Variants in SBF2 observed in about 807,000 individuals in gnomAD.
SBF2 encodes myotubularin-related protein 13.
Under a neutral mutation model 225.2 loss-of-function variants are expected in SBF2, and 112 were observed. The observed-to-expected ratio is 0.50, with a 90% confidence interval of 0.43 to 0.58. SBF2 has a LOEUF of 0.58. SBF2 is among the 20% of genes least tolerant of loss of function. The pLI is 0.00. For missense variants in SBF2, 1,996 were observed against 2,206.2 expected (o/e 0.90, Z 1.91); for synonymous variants, 763 against 773.3 (o/e 0.99, Z 0.22).
intron 1 of SBF2, among the ~76,000 whole-genome samples, chr11:10,267,482 T>C (rs1489195018): frequency 1.3e-5 from 2 of 152,094 alleles, no homozygotes; most frequent in Non-Finnish European, 2.9e-5. Context: ...AACAACACTT[T>C]GAAGTGAAGG....
At chr11:9,945,522 T>C (rs1416914880) in intron 16 of SBF2, among the ~76,000 whole-genome samples, 1 of 152,182 alleles carries the variant, frequency 6.6e-6, no homozygotes, top group East Asian at 1.9e-4. Context: ...AATACCATTC[T>C]GGACACAAGC....
At chr11:10,200,280 G>C (rs904376521) in intron 1 of SBF2, among the ~76,000 whole-genome samples, 1 of 152,136 alleles carries the variant, frequency 6.6e-6, no homozygotes, top group African/African-American at 2.4e-5. Context: ...CTCTTGTGAG[G>C]AAGAATTTAA....
intron 26 of SBF2, 32 bp downstream of exon 26, chr11:9,839,466 G>C: frequency 7.5e-6 from 12 of 1,596,522 alleles, no homozygotes; most frequent in Non-Finnish European, 1.0e-5. Context: ...AAGGAAGGAA[G>C]ACCTCTTTTT....
At chr11:10,262,545 T>C (rs539301504) in intron 1 of SBF2, among the ~76,000 whole-genome samples, 6 of 152,174 alleles carry the variant, frequency 3.9e-5, no homozygotes, top group Non-Finnish European at 8.8e-5. Flanking sequence ...AAATAGACTA[T>C]AAGCCTCTTA....
intron 3 of SBF2, among the ~76,000 whole-genome samples, chr11:10,031,574 C>G (rs56409115): frequency 0.072 from 11,003 of 152,196 alleles, 442 homozygotes; most frequent in Middle Eastern, 0.17. Context: ...AGATGTTTTG[C>G]AAATATGACA....
At chr11:10,184,685 C>T (rs565364807) in intron 2 of SBF2, among the ~76,000 whole-genome samples, 1 of 152,112 alleles carries the variant, frequency 6.6e-6, no homozygotes, top group Non-Finnish European at 1.5e-5. Flanking sequence ...CTCTATGTCT[C>T]TCATATTAGT....
At chr11:10,035,906 A>G (rs1191098544) in intron 3 of SBF2, among the ~76,000 whole-genome samples, 1 of 152,224 alleles carries the variant, frequency 6.6e-6, no homozygotes, top group Non-Finnish European at 1.5e-5. Context: ...CCACCACATT[A>G]CTGGGTGTAT....
intron 16 of SBF2, among the ~76,000 whole-genome samples, chr11:9,932,957 CAAAAAAAAA>C (rs574177096): frequency 1.7e-5 from 1 of 58,772 alleles, no homozygotes; most frequent in African/African-American, 1.1e-4. Flanking sequence ...AAACGAAAAG[CAAAAAAAAA>C]AAAAAAAAAA....
At chr11:10,091,446 T>C (rs1297225572) in intron 2 of SBF2, among the ~76,000 whole-genome samples, 1 of 152,180 alleles carries the variant, frequency 6.6e-6, no homozygotes, top group African/African-American at 2.4e-5. Flanking sequence ...TACACCAGCT[T>C]GTCACCATAA....
chr11:9,979,465 T>A (rs1946846674), intron 13 of SBF2, among the ~76,000 whole-genome samples: 1 of 152,222 alleles, frequency 6.6e-6, no homozygotes, highest in African/African-American at 2.4e-5. Flanking sequence ...CCACTATAAG[T>A]GGCAAAGACC....
At chr11:9,963,737 A>G in intron 15 of SBF2, 36 bp downstream of exon 15, 1 of 1,018,534 alleles carries the variant, frequency 9.8e-7, no homozygotes, top group South Asian at 1.3e-5. Flanking sequence ...AAGGGAAATG[A>G]TAAATGCTTA....
In SBF2 at chr11:10,121,244, G is replaced by C. The variant is rs183839356; in HGVS notation, c.141+72658C>G. Among the ~76,000 whole-genome samples the C allele has an allele frequency of 1.4e-4, 22 of 152,270 alleles. No homozygotes were observed. The East Asian group carries it at 4.0e-3, about 28-fold the overall frequency. ...AGAAGATAATGCATAGATAGGTAAT[G>C]GTTGAAATACAATTAGATGAGAGAC... On this transcript the variant is annotated intron_variant, in intron 2 of 39. Transcript: ENST00000256190.
At chr11:9,845,766 A>G (rs766466525) in intron 23 of SBF2, 26 bp from the exon 24 acceptor site, 1 of 1,609,978 alleles carries the variant, frequency 6.2e-7, no homozygotes, top group South Asian at 1.1e-5. Context: ...ATTAAACACA[A>G]AAGAAGCATT....
At chr11:10,030,696 T>C (rs1949219911) in intron 4 of SBF2, among the ~76,000 whole-genome samples, 1 of 152,188 alleles carries the variant, frequency 6.6e-6, no homozygotes, top group African/African-American at 2.4e-5. Flanking sequence ...TGAACCTGAT[T>C]CCTCACAAGG....
chr11:10,225,063 A>C (rs1191415213), intron 1 of SBF2, among the ~76,000 whole-genome samples: 1 of 152,168 alleles, frequency 6.6e-6, no homozygotes, highest in African/African-American at 2.4e-5. Context: ...GAGGAGACTA[A>C]TTTAACAAAT....
chr11:10,220,325 G>T (rs1457681675), intron 1 of SBF2, among the ~76,000 whole-genome samples: 1 of 151,968 alleles, frequency 6.6e-6, no homozygotes, highest in East Asian at 1.9e-4. Flanking sequence ...TCTCCCACCG[G>T]GACCCTCTGA....
intron 16 of SBF2, among the ~76,000 whole-genome samples, chr11:9,923,945 A>ATAGAATT (rs1471240041): frequency 6.6e-6 from 1 of 152,162 alleles, no homozygotes; most frequent in Non-Finnish European, 1.5e-5. Context: ...TTAAAAAGCA[A>ATAGAATT]TTTTTGCTAA....
chr11:10,193,395 C>T (rs1957253318), intron 2 of SBF2, among the ~76,000 whole-genome samples: 1 of 141,838 alleles, frequency 7.1e-6, no homozygotes, highest in Admixed American at 7.5e-5. Flanking sequence ...TGCTCTGTCG[C>T]CCAGGCTAGA....
At chr11:10,151,813 G>A (rs189202884) in intron 2 of SBF2, among the ~76,000 whole-genome samples, 1 of 152,142 alleles carries the variant, frequency 6.6e-6, no homozygotes, top group East Asian at 1.9e-4. Flanking sequence ...ATTTAAATAG[G>A]TCTATTGCTG....
Sources: gnomAD v4.1 joint callset for allele counts (sites outside exome capture counted in the v4.1 genomes callset) on GRCh38, gnomAD v4.1.1 for gene constraint, MANE v1.5 for transcripts, NCBI Gene and HGNC (gene_info 2026-07-23, HGNC 2026-07-21) for gene names.